The following SEPTIN1 variants were observed in gnomAD, a reference collection of about 807,000 sequenced individuals.
SEPTIN1 encodes septin-1.
Under a neutral mutation model 50.7 loss-of-function variants are expected in SEPTIN1, and 52 were observed. The observed-to-expected ratio is 1.03, with a 90% CI of 0.82 to 1.29. The LOEUF (loss-of-function observed/expected upper bound fraction) is 1.29, where lower values mean the gene tolerates loss of function less well. Ranked by LOEUF, SEPTIN1 falls within the 50% of genes most tolerant of loss-of-function variation. The pLI is 0.00. For missense variants in SEPTIN1, 455 were observed against 490.7 expected (o/e 0.93, Z 0.69); for synonymous variants, 204 against 189.1 (o/e 1.08, Z -0.65).
At position 30,378,718 on chromosome 16, in the gene SEPTIN1, G is replaced by A. The variant is rs1221650262; in HGVS notation, c.942-18C>T. The A allele has an allele frequency of 6.2e-7, 1 of 1,603,340 alleles. No homozygotes were observed. The highest frequency in any genetic ancestry group is 8.5e-7 in the Non-Finnish European group (1 of 1,178,608). ...AAAGCTTACTGCGGGACAGTGGGAA[G>A]GGGACAGGAATCAGGAGCGGGACCT... On this transcript the variant is annotated intron_variant, in intron 9 of 10. Coordinates refer to ENST00000321367, the MANE Select transcript of SEPTIN1 (RefSeq NM_001365977.2).
rs1449102890 is a variant in SEPTIN1, at chr16:30,381,281, G to A, written c.456-37C>T. 6.2e-7 allele frequency: 1 copy of A among 1,612,574 alleles called. No individual in the cohort carries two copies. On this transcript the variant is annotated intron_variant, in intron 5 of 10. Transcript: ENST00000321367. This position sits in a 1 kb window ranked among gnomAD's most constrained non-coding sequence, Gnocchi z 4.3. ...GATTGGTCATTGCCCAGCCTCAGGG[G>A]GCAGAGACCCCCCAGCCCTCCCTAA...
At position 30,378,342 on chromosome 16, in the gene SEPTIN1, G is replaced by T; in HGVS notation, c.*92C>A. 1 of 1,252,906 alleles carries T rather than the reference G, an allele frequency of 8.0e-7. No individual in the cohort carries two copies. The highest frequency in any genetic ancestry group is 1.1e-6 in the Non-Finnish European group (1 of 923,522). The allele number at this position is 1,252,906 out of a possible 1,614,324, so 77.6% of individuals were successfully genotyped here. ...CCGCGCGAGGGCGGCACCCGCGGAG[G>T]TCCCGGGGGGCGCTGGGCAGTGTGG... On this transcript the variant is annotated 3_prime_UTR_variant, in exon 11 of 11. Coordinates refer to ENST00000321367, the MANE Select transcript of SEPTIN1 (RefSeq NM_001365977.2).
upstream of SEPTIN1, chr16:30,382,693 TGCCACCTCCTGGACCCCTTTGCCCATCA>T: frequency 1.3e-6 from 2 of 1,531,462 alleles, no homozygotes; most frequent in Non-Finnish European, 8.8e-7. The surrounding 1 kb of genome is among the most constrained non-coding windows in gnomAD (Gnocchi z 4.8). Flanking sequence ...CACTTGGGGT[TGCCACCTCCTGGACCCCTTTGCCCATCA>T]CCTGTCTACG....
chr16:30,380,757 G>T, intron 6 of SEPTIN1: 1 of 277,172 alleles, frequency 3.6e-6, no homozygotes, highest in Non-Finnish European at 7.0e-6. Flanking sequence ...GCCACAGAGT[G>T]AGACTCTATC....
chr16:30,379,188 A>G lies in SEPTIN1; in HGVS notation c.776-5T>C. On this transcript the variant is annotated splice_region_variant and splice_polypyrimidine_tract_variant and intron_variant, in intron 8 of 10. Transcript: ENST00000321367. ...CGCAGTGATGTGGGTTCTCCACTGG[A>G]GGGGGGGCGGCGCGGACCAGCGAAC... 1 of 1,613,396 alleles carries G rather than the reference A, an allele frequency of 6.2e-7. No homozygotes were observed.
At chr16:30,380,058 A>G (rs1264729629) in intron 6 of SEPTIN1, 25 bp from the exon 7 acceptor site, 2 of 1,582,834 alleles carry the variant, frequency 1.3e-6, no homozygotes, top group Non-Finnish European at 1.7e-6. Flanking sequence ...ATATAGAGAC[A>G]GTGTGAAACG....
chr16:30,382,659 G>C (rs2049867572), upstream of SEPTIN1: 1 of 1,536,350 alleles, frequency 6.5e-7, no homozygotes, highest in Non-Finnish European at 8.7e-7. This position sits in a 1 kb window ranked among gnomAD's most constrained non-coding sequence, Gnocchi z 4.8. Context: ...GTCCCAGAGA[G>C]GTGGGGAAGG....
At position 30,381,601 on chromosome 16, in the gene SEPTIN1, G is replaced by T; in HGVS notation, c.321-128C>A. 4 of 1,454,254 alleles carry T rather than the reference G, an allele frequency of 2.8e-6. No individual in the cohort carries two copies. The highest frequency in any genetic ancestry group is 3.8e-6 in the Non-Finnish European group (4 of 1,059,932). 90.1% of individuals were successfully genotyped at this position (1,454,254 alleles called of 1,614,324 possible). A position where few individuals can be genotyped will look rare whatever the true frequency, so the allele number is the denominator to read the frequency against. On this transcript the variant is annotated intron_variant, in intron 4 of 10. Coordinates refer to ENST00000321367, the MANE Select transcript of SEPTIN1 (RefSeq NM_001365977.2). The surrounding 1 kb of genome is among the most constrained non-coding windows in gnomAD (Gnocchi z 4.3). ...TCCAAAGACATTAAGGGGAACTGGT[G>T]GGGGCCTAGGTGAGTCATCAAGAAG...
Position 30,379,077 on chromosome 16 carries a change from G to A in SEPTIN1, c.882C>T (p.Tyr294=). The A allele has an allele frequency of 6.2e-7, 1 of 1,614,084 alleles. No individual in the cohort carries two copies. The highest frequency in any genetic ancestry group is 1.3e-5 in the African/African-American group (1 of 75,046). ...CCAGGCTCTGTAGGCAGCGGGCCCGGTAGCCCTCGTAGAGCAGATCGTGCG... is the reference window on the plus strand; with the variant it reads ...CCAGGCTCTGTAGGCAGCGGGCCCGATAGCCCTCGTAGAGCAGATCGTGCG... ...EVTHDLLYEG[Y]RARCLQSLAR... Residue 294 remains tyrosine, a synonymous_variant, in exon 9 of 11, where the codon TAC becomes TAT. Coordinates refer to ENST00000321367, the MANE Select transcript of SEPTIN1 (RefSeq NM_001365977.2).
chr16:30,382,007 C>T lies in SEPTIN1; in HGVS notation c.196+86G>A. 6.2e-7 allele frequency: 1 copy of T among 1,601,262 alleles called. No individual in the cohort carries two copies. Among genetic ancestry groups the T allele is most frequent in the Admixed American group, 1.7e-5 (1 of 59,278 alleles). On this transcript the variant is annotated intron_variant, in intron 3 of 10. Coordinates refer to ENST00000321367, the MANE Select transcript of SEPTIN1 (RefSeq NM_001365977.2). The surrounding 1 kb of genome is among the most constrained non-coding windows in gnomAD (Gnocchi z 4.8). ...AGGAAAGTCTCAGAAAAAAAGCAGTCAACTACCTGAGTCCCCAGATGGAAA... is the reference window on the plus strand; with the variant it reads ...AGGAAAGTCTCAGAAAAAAAGCAGTTAACTACCTGAGTCCCCAGATGGAAA...
intron 6 of SEPTIN1, chr16:30,380,666 A>T (rs1323447299): frequency 5.8e-6 from 1 of 173,840 alleles, no homozygotes; most frequent in African/African-American, 2.4e-5. Context: ...GCTACTCAAG[A>T]GGCTGAGGCA....
At position 30,381,139 on chromosome 16, in the gene SEPTIN1, G is replaced by A; in HGVS notation, c.561C>T (p.Ala187=). The change falls in exon 6 of 11, where the codon GCC becomes GCT. Residue 187 remains alanine (A), a synonymous_variant. Transcript: ENST00000321367. This position sits in a 1 kb window ranked among gnomAD's most constrained non-coding sequence, Gnocchi z 4.3. The part of the protein sequence containing the change: ...ADALMPQETQ[A]LKQKIRDQLK... ...TCATCACTCACACCTTCTGCTTGAG[G>A]GCCTGGGTTTCCTGGGGCATCAGAG... The A allele has an allele frequency of 1.9e-6, 3 of 1,613,644 alleles. No homozygotes were observed. Among genetic ancestry groups the A allele is most frequent in the Non-Finnish European group, 2.5e-6 (3 of 1,179,594 alleles).
rs116643497 is a variant in SEPTIN1 at position 30,378,604 on chromosome 16, G to C, written c.1032+6C>G. 4.5e-4 allele frequency: 720 copies of C among 1,611,460 alleles called. 3 individuals carry two copies. In the African/African-American group the frequency reaches 8.1e-3, roughly 18 times the overall value. Reference sequence around the variant, plus strand: ...TCGGTCGGGGGGAAGCGAGGTGCGTGCTCACCTCTTCGTCTTTCTCGCGGA... The same window carrying C: ...TCGGTCGGGGGGAAGCGAGGTGCGTCCTCACCTCTTCGTCTTTCTCGCGGA... On this transcript the variant is annotated splice_donor_region_variant and intron_variant, in intron 10 of 10. Transcript: ENST00000321367.
In SEPTIN1 at chr16:30,382,124, G is replaced by C. The variant is rs1004905365; in HGVS notation, c.165C>G (p.Leu55=). Residue 55 remains leucine, a synonymous_variant, in exon 3 of 11, where the codon CTC becomes CTG. Coordinates refer to ENST00000321367, the MANE Select transcript of SEPTIN1 (RefSeq NM_001365977.2). This position sits in a 1 kb window ranked among gnomAD's most constrained non-coding sequence, Gnocchi z 4.8. ...TLINSLFLTN[L]YEDRQVPEAS... ...CCTCTGGCACCTGGCGATCCTCATA[G>C]AGGTTGGTGAGGAAGAGGCTGTTGA... The C allele has an allele frequency of 6.3e-7, 1 of 1,588,202 alleles. No individual in the cohort carries two copies. Among genetic ancestry groups the C allele is most frequent in the Non-Finnish European group, 8.6e-7 (1 of 1,166,918 alleles).
chr16:30,378,325 G>A lies in SEPTIN1; in HGVS notation c.*109C>T. ...GAGAACCTCCCCCTAGCCCGCGCGAGGGCGGCACCCGCGGAGGTCCCGGGG... is the reference window on the plus strand; with the variant it reads ...GAGAACCTCCCCCTAGCCCGCGCGAAGGCGGCACCCGCGGAGGTCCCGGGG... On this transcript the variant is annotated 3_prime_UTR_variant, in exon 11 of 11. Transcript: ENST00000321367. 1.8e-6 allele frequency: 2 copies of A among 1,089,958 alleles called. No individual in the cohort carries two copies. Among genetic ancestry groups the A allele is most frequent in the Non-Finnish European group, 2.6e-6 (2 of 779,264 alleles). 67.5% of individuals were successfully genotyped at this position (1,089,958 alleles called of 1,614,324 possible).
intron 6 of SEPTIN1, 103 bp from the exon 7 acceptor site, chr16:30,380,136 G>A: frequency 1.1e-6 from 1 of 902,092 alleles, no homozygotes; most frequent in Non-Finnish European, 1.6e-6. Context: ...GTCAGAGACA[G>A]AGAGAAAGAC....
Position 30,379,151 on chromosome 16 carries a change from G to A in SEPTIN1, c.808C>T (p.Leu270=). 1 of 1,614,154 alleles carries A rather than the reference G, an allele frequency of 6.2e-7. No individual in the cohort carries two copies. Among genetic ancestry groups the A allele is most frequent in the South Asian group, 1.1e-5 (1 of 91,088 alleles). Residue 270 remains leucine (L), a synonymous_variant, in exon 9 of 11, where the codon CTG becomes TTG. Coordinates refer to ENST00000321367, the MANE Select transcript of SEPTIN1 (RefSeq NM_001365977.2). ...TGTGTCTGCACCAGCATCCGTCGCA[G>A]GTTCAGGAAATCGCAGTGATGTGGG... ...ENPHHCDFLN[L]RRMLVQTHLQ...
rs763625940 is a variant in SEPTIN1, at chr16:30,381,470, C to T, written c.324G>A (p.Trp108Ter). 1.2e-6 allele frequency: 2 copies of T among 1,613,856 alleles called. No individual in the cohort carries two copies. The highest frequency in any genetic ancestry group is 1.7e-6 in the Non-Finnish European group (2 of 1,179,976). ...CCTCGATGAATTTCACCACCGGAAG[C>T]CAGCTGGGTGTGGGGAGAGGATGTG... ...FGDSVDCSDC[W>*]LPVVKFIEEQ... Residue 108 changes from tryptophan to a stop codon, truncating the protein, a stop_gained, in exon 5 of 11, where the codon TGG (tryptophan) becomes TGA (stop). Transcript: ENST00000321367. LOFTEE classifies it high-confidence loss of function. The surrounding 1 kb of genome is among the most constrained non-coding windows in gnomAD (Gnocchi z 4.3).
chr16:30,380,299 A>G, intron 6 of SEPTIN1: 1 of 208,542 alleles, frequency 4.8e-6, no homozygotes. Context: ...CATCTCTACA[A>G]CAAATATACA....
Sources: gnomAD v4.1 joint callset for allele counts on GRCh38, gnomAD v4.1.1 for gene constraint, Gnocchi (gnomAD v3.1) non-coding constraint, MANE v1.5 for transcripts, NCBI Gene and HGNC (gene_info 2026-07-23, HGNC 2026-07-21) for gene names.